The following SNX16 variants were observed in gnomAD, a reference collection of about 807,000 sequenced individuals.
SNX16 encodes the protein sorting nexin-16.
In SNX16, 35 loss-of-function variants were observed where a neutral mutation model predicts 36.7. The ratio of observed to expected loss-of-function variants is 0.95; its 90% CI spans 0.73 to 1.27. SNX16 has a LOEUF of 1.27. SNX16 is among the 50% of genes most tolerant of loss of function. The pLI, the probability that SNX16 is intolerant of heterozygous loss-of-function variation, is 0.00. For missense variants in SNX16, 367 were observed against 393.6 expected (o/e 0.93, Z 0.57); for synonymous variants, 134 against 132.0 (o/e 1.02, Z -0.10).
chr8:81,811,627 C>A (rs1810255881), intron 5 of SNX16, among the ~76,000 whole-genome samples: 1 of 152,068 alleles, frequency 6.6e-6, no homozygotes, highest in Admixed American at 6.6e-5. Flanking sequence ...GCTGAGGAGA[C>A]AAACTTCACA....
chr8:81,837,510 C>T (rs758597393), intron 2 of SNX16, among the ~76,000 whole-genome samples: 12 of 152,170 alleles, frequency 7.9e-5, no homozygotes. Context: ...AAGATCAAGA[C>T]AGTAACAGAT....
intron 2 of SNX16, 81 bp downstream of exon 2, chr8:81,839,531 C>A: frequency 7.7e-7 from 1 of 1,300,508 alleles, no homozygotes; most frequent in Non-Finnish European, 1.1e-6. Flanking sequence ...TACAAGTTTA[C>A]ATTAATTTAA....
At chr8:81,833,680 C>A (rs1279000402) in intron 2 of SNX16, among the ~76,000 whole-genome samples, 2 of 152,052 alleles carry the variant, frequency 1.3e-5, no homozygotes, top group Non-Finnish European at 1.5e-5. Flanking sequence ...AAAATGAACT[C>A]CCCCTTCTAA....
chr8:81,817,028 T>C (rs1810527199), intron 4 of SNX16, among the ~76,000 whole-genome samples: 1 of 152,188 alleles, frequency 6.6e-6, no homozygotes, highest in African/African-American at 2.4e-5. Flanking sequence ...CCATTATTTA[T>C]ACTGGGGCAC....
chr8:81,814,632 G>A (rs1316155836), intron 5 of SNX16: 2 of 152,028 alleles, frequency 1.3e-5, no homozygotes, highest in Non-Finnish European at 2.9e-5. Context: ...ACAAATTGGT[G>A]AATATTATGG....
At chr8:81,827,269 G>C (rs986505837) in intron 3 of SNX16, among the ~76,000 whole-genome samples, 8 of 151,930 alleles carry the variant, frequency 5.3e-5, no homozygotes, top group Non-Finnish European at 1.2e-4. Context: ...AGAGATAATA[G>C]GAAGTAAACA....
intron 4 of SNX16, among the ~76,000 whole-genome samples, chr8:81,819,371 T>C (rs1810632103): frequency 1.3e-5 from 2 of 152,118 alleles, no homozygotes; most frequent in South Asian, 4.1e-4. Flanking sequence ...GACTTGCATG[T>C]TGTTCCTGGT....
At chr8:81,823,418 TA>T (rs1810865798) in intron 4 of SNX16, among the ~76,000 whole-genome samples, 1 of 152,080 alleles carries the variant, frequency 6.6e-6, no homozygotes, top group South Asian at 2.1e-4. Context: ...TGGAGAAATA[TA>T]AAGAATATTA....
rs188167215 is a variant in SNX16, at chr8:81,816,186, T to C, written c.612-792A>G. Among the ~76,000 whole-genome samples, 19 of 151,396 alleles carry C rather than the reference T, an allele frequency of 1.3e-4. No individual in the cohort carries two copies. The East Asian group carries it at 1.4e-3, about 11-fold the overall frequency. ...TTCCTTTTACAAAGGATTTTCTTTT[T>C]TTTTTTTTTTAAGACGAGTCTCGCT... is the stretch of plus-strand genomic sequence containing the variant. On this transcript the variant is annotated intron_variant, in intron 4 of 7. Coordinates refer to ENST00000345957, the MANE Select transcript of SNX16 (RefSeq NM_152836.3).
intron 4 of SNX16, among the ~76,000 whole-genome samples, chr8:81,818,159 T>C (rs1316480212): frequency 6.6e-6 from 1 of 152,116 alleles, no homozygotes; most frequent in Non-Finnish European, 1.5e-5. Context: ...TAACTATCTG[T>C]AATTTAATTT....
intron 4 of SNX16, among the ~76,000 whole-genome samples, chr8:81,818,348 T>A (rs1474848812): frequency 6.6e-6 from 1 of 152,040 alleles, no homozygotes; most frequent in Non-Finnish European, 1.5e-5. Context: ...ATTAAAAAAA[T>A]AAAAACAACT....
intron 2 of SNX16, among the ~76,000 whole-genome samples, chr8:81,837,543 T>C (rs150187779): frequency 1.3e-5 from 2 of 152,282 alleles, no homozygotes; most frequent in African/African-American, 4.8e-5. Flanking sequence ...GAGGGCCTAC[T>C]TTCTGGTTTA....
intron 2 of SNX16, 89 bp downstream of exon 2, chr8:81,839,523 C>A: frequency 8.1e-7 from 1 of 1,233,220 alleles, no homozygotes; most frequent in Non-Finnish European, 1.1e-6. Context: ...ATTATAAGTA[C>A]AAGTTTACAT....
chr8:81,801,712 T>TA, intron 7 of SNX16, 119 bp from the exon 8 acceptor site: 1 of 543,576 alleles, frequency 1.8e-6, no homozygotes, highest in South Asian at 3.0e-5. Context: ...ATACTTAGTG[T>TA]AAAAGTATTT....
intron 4 of SNX16, among the ~76,000 whole-genome samples, chr8:81,822,029 A>AG (rs556887775): frequency 2.4e-3 from 362 of 152,284 alleles, no homozygotes; most frequent in Non-Finnish European, 4.4e-3. Context: ...GCACATAGCT[A>AG]GTATCATCTT....
chr8:81,805,771 A>T (rs1313006948), intron 5 of SNX16, among the ~76,000 whole-genome samples: 1 of 152,026 alleles, frequency 6.6e-6, no homozygotes. Context: ...ATACAAAAAA[A>T]TTAGCTGGGC....
At chr8:81,840,129 C>A (rs1242167498) in intron 1 of SNX16, 47 bp from the exon 2 acceptor site, 10 of 924,472 alleles carry the variant, frequency 1.1e-5, no homozygotes, top group Non-Finnish European at 1.6e-5. Flanking sequence ...TAATGTGCAG[C>A]AGGATTCAAA....
At chr8:81,836,124 CCAAT>C (rs777190677) in intron 2 of SNX16, among the ~76,000 whole-genome samples, 1 of 152,152 alleles carries the variant, frequency 6.6e-6, no homozygotes, top group Non-Finnish European at 1.5e-5. Context: ...TGAAACATTA[CCAAT>C]CAAAGAGGTC....
chr8:81,830,180 C>T (rs554824239), intron 2 of SNX16, among the ~76,000 whole-genome samples: 1 of 152,156 alleles, frequency 6.6e-6, no homozygotes, highest in African/African-American at 2.4e-5. Flanking sequence ...GAATGCAATC[C>T]CATTTACAGT....
Sources: allele counts gnomAD v4.1 joint callset (sites outside exome capture counted in the v4.1 genomes callset), GRCh38; gene constraint gnomAD v4.1.1; transcripts MANE v1.5; gene names NCBI Gene and HGNC (gene_info 2026-07-23, HGNC 2026-07-21).